Variants in PDE4C observed in about 807,000 individuals in gnomAD.
PDE4C encodes 3',5'-cyclic-AMP phosphodiesterase 4C.
PDE4C carries 50 observed loss-of-function variants against 63.9 expected under a neutral mutation model. The ratio of observed to expected loss-of-function variants is 0.78; its 90% CI spans 0.62 to 0.99. The LOEUF is 0.99. Ranked by LOEUF, PDE4C falls within the 50% of genes least tolerant of loss-of-function variation. The pLI is 0.00. For synonymous variants in PDE4C, 377 were observed against 385.1 expected, an observed-to-expected ratio of 0.98 and a Z score of 0.25; for missense variants, 777 against 899.1, an observed-to-expected ratio of 0.86 and a Z score of 1.74.
intron 1 of PDE4C, chr19:18,232,868 A>T: frequency 4.7e-6 from 6 of 1,279,578 alleles, no homozygotes; most frequent in Non-Finnish European, 5.1e-6. Context: ...CCCCCTGGAG[A>T]AGCAAGGACC....
At chr19:18,250,222 C>T (rs1189204510), upstream of PDE4C, 6 of 398,866 alleles carry the variant, frequency 1.5e-5, no homozygotes, top group East Asian at 7.1e-5. Flanking sequence ...CCAAAAGGCT[C>T]TGCAGCCCAG....
intron 1 of PDE4C, among the ~76,000 whole-genome samples, chr19:18,231,816 G>T (rs1968853676): frequency 6.6e-6 from 1 of 152,050 alleles, no homozygotes; most frequent in African/African-American, 2.4e-5. Context: ...GCCCCCTGAG[G>T]ATTCTACATT....
chr19:18,226,590 C>T (rs1427338682), upstream of PDE4C: 15 of 404,332 alleles, frequency 3.7e-5, no homozygotes, highest in Admixed American at 6.5e-4. Context: ...CAGAGTCAGA[C>T]GCAACTCTCT....
At chr19:18,222,700 CTTTT>C (rs1199712120) in intron 1 of PDE4C, among the ~76,000 whole-genome samples, 14 of 53,360 alleles carry the variant, frequency 2.6e-4, no homozygotes, top group Admixed American at 2.0e-3. Flanking sequence ...CCTTTCTTTT[CTTTT>C]TTTTTTTTTT....
chr19:18,223,934 C>T (rs1353381064), intron 1 of PDE4C, among the ~76,000 whole-genome samples: 1 of 152,188 alleles, frequency 6.6e-6, no homozygotes, highest in African/African-American at 2.4e-5. Flanking sequence ...TTCCAGGCTC[C>T]ACCCTCAGCC....
chr19:18,242,461 G>A (rs971052831), intron 1 of PDE4C, among the ~76,000 whole-genome samples: 3 of 125,444 alleles, frequency 2.4e-5, no homozygotes, highest in Non-Finnish European at 4.9e-5. Context: ...GGGCAACAAA[G>A]GGAGACTCCA....
exon 2 of PDE4C, chr19:18,222,204 A>G: frequency 2.5e-6 from 4 of 1,614,178 alleles, no homozygotes; most frequent in Non-Finnish European, 3.4e-6. Context: ...TGAGCGGTAC[A>G]GGAAGGACTC....
At chr19:18,212,506 A>C (rs1967999973) in intron 13 of PDE4C, among the ~76,000 whole-genome samples, 1 of 141,130 alleles carries the variant, frequency 7.1e-6, no homozygotes, top group African/African-American at 2.6e-5. Context: ...ACAGGGTCTC[A>C]CTCAGTTGCC....
chr19:18,212,172 G>T (rs969596235), intron 13 of PDE4C, among the ~76,000 whole-genome samples: 9 of 138,106 alleles, frequency 6.5e-5, no homozygotes, highest in Admixed American at 2.3e-4. Flanking sequence ...TGCAAAAATG[G>T]AGGCCCTCTC....
rs1568668715 is a variant in PDE4C at position 18,220,504 on chromosome 19, GC to G, written c.510del (p.Gln171ArgfsTer8). 9 of 1,613,544 alleles carry G rather than the reference GC, an allele frequency of 5.6e-6. No homozygotes were observed. The highest frequency in any genetic ancestry group is 7.6e-6 in the Non-Finnish European group (9 of 1,179,822). The stretch of plus-strand genomic sequence containing the variant: ...TCTAGCGTCTCCAATGCCAGCTTCT[GC>G]CCCGTGTCCTCTGGGAGCCGAGGCA... On this transcript the variant is annotated frameshift_variant, in exon 6 of 15. Transcript: ENST00000262805. LOFTEE classifies it high-confidence loss of function. This position sits in a 1 kb window ranked among gnomAD's most constrained non-coding sequence, Gnocchi z 5.1.
intron 4 of PDE4C, 23 bp downstream of exon 4, chr19:18,221,082 G>GC: frequency 1.2e-6 from 1 of 844,314 alleles, no homozygotes; most frequent in South Asian, 1.6e-5. Flanking sequence ...CCCCGCCCCC[G>GC]CCCCGCCCCG....
At chr19:18,235,361 C>T (rs187976204), upstream of PDE4C, among the ~76,000 whole-genome samples, 4 of 152,160 alleles carry the variant, frequency 2.6e-5, no homozygotes, top group Non-Finnish European at 5.9e-5. Flanking sequence ...AGTAGAGACG[C>T]AGTTTCACCA....
chr19:18,224,473 G>A, intron 1 of PDE4C: 1 of 985,560 alleles, frequency 1.0e-6, no homozygotes, highest in African/African-American at 1.7e-5. Context: ...CCGGGTCTGA[G>A]TTGGGTCTGA....
exon 1 of PDE4C, chr19:18,233,326 T>C: frequency 7.9e-7 from 1 of 1,258,570 alleles, no homozygotes; most frequent in Non-Finnish European, 1.1e-6. Flanking sequence ...GCGCCGGAGG[T>C]GCTGAAGCGG....
upstream of PDE4C, chr19:18,250,447 C>T (rs553162917): frequency 1.5e-4 from 61 of 399,148 alleles, no homozygotes; most frequent in African/African-American, 1.1e-3. Context: ...TCCTGTGTAA[C>T]TCACGGGGCC....
chr19:18,226,274 G>A, exon 1 of PDE4C: 2 of 1,563,502 alleles, frequency 1.3e-6, no homozygotes, highest in Non-Finnish European at 1.7e-6. Context: ...CCTCACCACA[G>A]CGGATGGGCC....
chr19:18,219,157 C>G lies in PDE4C; in HGVS notation c.870+77G>C, dbSNP rs1347666722. 3 of 1,603,862 alleles carry G rather than the reference C, an allele frequency of 1.9e-6. No individual in the cohort carries two copies. The African/African-American group carries it at 4.0e-5, about 21-fold the overall frequency. On this transcript the variant is annotated intron_variant, in intron 8 of 14. Coordinates refer to ENST00000262805, the Ensembl canonical transcript of PDE4C. ...CCCAACTGCCCAGTATATAGGTGGG[C>G]AAACAGGCCCGAGATAGGGCATCCA...
intron 8 of PDE4C, 97 bp from the exon 9 acceptor site, chr19:18,219,135 A>C: frequency 6.3e-7 from 1 of 1,577,748 alleles, no homozygotes; most frequent in East Asian, 2.2e-5. Context: ...AGTGAGCCCC[A>C]ACTGCCCAGT....
Position 18,220,585 on chromosome 19 carries a change from G to T in PDE4C, c.500-70C>A, listed in dbSNP as rs750407182. The T allele has an allele frequency of 7.4e-7, 1 of 1,343,852 alleles. No individual in the cohort carries two copies. 83.2% of individuals were successfully genotyped at this position (1,343,852 alleles called of 1,614,324 possible). ...GGGACCCCACGCCTCTCGCGACTTC[G>T]TCTCTTCATCTGGACCCTGAAACTG... is the stretch of plus-strand genomic sequence containing the variant. On this transcript the variant is annotated intron_variant, in intron 5 of 14. Transcript: ENST00000262805. This position sits in a 1 kb window ranked among gnomAD's most constrained non-coding sequence, Gnocchi z 5.1.
Sources: gnomAD v4.1 joint callset for allele counts (sites outside exome capture counted in the v4.1 genomes callset) on GRCh38, gnomAD v4.1.1 for gene constraint, Gnocchi (gnomAD v3.1) non-coding constraint, MANE v1.5 for transcripts, NCBI Gene and HGNC (gene_info 2026-07-23, HGNC 2026-07-21) for gene names.